Variants in SPEF2 observed in about 807,000 individuals in gnomAD.
SPEF2 encodes the protein sperm flagellar and cilia associated 2.
SPEF2 carries 187 observed loss-of-function variants against 224.6 expected under a neutral mutation model. The observed-to-expected ratio is 0.83, with a 90% CI of 0.74 to 0.94. The LOEUF is 0.94. Among genes scored for constraint, SPEF2 ranks in the 40% least tolerant of loss-of-function variants. The pLI is 0.00. For synonymous variants in SPEF2, 715 were observed against 707.3 expected (o/e 1.01, Z -0.17); for missense variants, 2,170 against 2,135.6 (o/e 1.02, Z -0.32).
chr5:35,683,298 G>T lies in SPEF2; in HGVS notation c.1525-7739G>T, dbSNP rs77177821. 9.0e-3 allele frequency among the ~76,000 whole-genome samples: 1,368 copies of T among 152,226 alleles called. 17 individuals carry two copies. Among genetic ancestry groups the T allele is most frequent in the African/African-American group, 0.032 (1,331 of 41,528 alleles). ...GGTTCCAGGAATTCAGAATTCAAGT[G>T]CTGGAAAGGTCAGTGTAGGTCAATT... On this transcript the variant is annotated intron_variant, in intron 10 of 36. Coordinates refer to ENST00000356031, the MANE Select transcript of SPEF2 (RefSeq NM_024867.4).
At chr5:35,694,193 T>G (rs1483681751) in intron 12 of SPEF2, 95 bp from the exon 13 acceptor site, 1 of 899,020 alleles carries the variant, frequency 1.1e-6, no homozygotes, top group Non-Finnish European at 1.7e-6. Context: ...GTATTGTATT[T>G]GTTCTCAAAC....
At chr5:35,786,876 G>T (rs557084769) in intron 30 of SPEF2, among the ~76,000 whole-genome samples, 15 of 151,858 alleles carry the variant, frequency 9.9e-5, no homozygotes, top group Non-Finnish European at 1.8e-4. Context: ...TAGTCAGAGG[G>T]GTCAAACCCT....
chr5:35,754,221 A>G (rs548252109), intron 24 of SPEF2, among the ~76,000 whole-genome samples: 1 of 152,340 alleles, frequency 6.6e-6, no homozygotes, highest in East Asian at 1.9e-4. Context: ...TAATCAATGC[A>G]ACCCGATTAA....
chr5:35,623,287 C>G (rs988171369), intron 1 of SPEF2, among the ~76,000 whole-genome samples: 1 of 152,176 alleles, frequency 6.6e-6, no homozygotes, highest in African/African-American at 2.4e-5. Flanking sequence ...GGTTCCAAGC[C>G]TTCAGCAGGG....
At chr5:35,668,422 A>T (rs1381647231) in intron 9 of SPEF2, among the ~76,000 whole-genome samples, 2 of 152,124 alleles carry the variant, frequency 1.3e-5, no homozygotes, top group East Asian at 1.9e-4. Context: ...ATGCTCTGTG[A>T]TTTCATTTAT....
At chr5:35,683,614 G>A (rs1363278625) in intron 10 of SPEF2, among the ~76,000 whole-genome samples, 2 of 152,186 alleles carry the variant, frequency 1.3e-5, no homozygotes, top group South Asian at 2.1e-4. Context: ...GACAGAGTGA[G>A]ACTTCGTCTC....
chr5:35,674,866 A>T (rs1201085798), intron 10 of SPEF2, among the ~76,000 whole-genome samples: 1 of 152,112 alleles, frequency 6.6e-6, no homozygotes, highest in African/African-American at 2.4e-5. Flanking sequence ...ACAATATGGA[A>T]ACTTACTAAT....
chr5:35,803,257 C>A (rs1757673735), intron 34 of SPEF2, among the ~76,000 whole-genome samples: 1 of 152,140 alleles, frequency 6.6e-6, no homozygotes, highest in African/African-American at 2.4e-5. Context: ...AAAAAGGAAG[C>A]CTGTGCTAGA....
intron 30 of SPEF2, among the ~76,000 whole-genome samples, chr5:35,784,817 G>A (rs1754874645): frequency 6.6e-6 from 1 of 152,076 alleles, no homozygotes; most frequent in African/African-American, 2.4e-5. Context: ...TTAGAGCCAA[G>A]TGTCATGGAG....
chr5:35,742,110 A>T lies in SPEF2; in HGVS notation c.3330+1843A>T, dbSNP rs111433163. Among the ~76,000 whole-genome samples, 595 of 152,318 alleles carry T rather than the reference A, an allele frequency of 3.9e-3. 11 individuals carry two copies. Among genetic ancestry groups the T allele is most frequent in the African/African-American group, 0.014 (571 of 41,570 alleles). ...TGTTTTGTAACATTCTTTTTAAGTC[A>T]ATAGAACATGTTTTCTTTTTCAATA... On this transcript the variant is annotated intron_variant, in intron 23 of 36. Coordinates refer to ENST00000356031, the MANE Select transcript of SPEF2 (RefSeq NM_024867.4).
chr5:35,750,848 T>A (rs1749293261), intron 23 of SPEF2, among the ~76,000 whole-genome samples: 1 of 151,182 alleles, frequency 6.6e-6, no homozygotes, highest in Non-Finnish European at 1.5e-5. Context: ...TTATTGGGTA[T>A]CTACCCAGAG....
chr5:35,772,904 C>T (rs1034496116), intron 27 of SPEF2, among the ~76,000 whole-genome samples: 5 of 152,086 alleles, frequency 3.3e-5, no homozygotes, highest in Non-Finnish European at 7.4e-5. Context: ...TTGAACCCTT[C>T]GAAGTCAGAC....
At chr5:35,706,897 C>A (rs567478893) in intron 18 of SPEF2, among the ~76,000 whole-genome samples, 2 of 152,138 alleles carry the variant, frequency 1.3e-5, no homozygotes, top group Non-Finnish European at 2.9e-5. Flanking sequence ...CTTACAGAGT[C>A]TTGGTTGGGA....
intron 1 of SPEF2, 128 bp downstream of exon 1, chr5:35,618,183 C>T: frequency 2.1e-6 from 2 of 975,102 alleles, no homozygotes; most frequent in Non-Finnish European, 1.6e-6. Context: ...ACCTGCGTAG[C>T]CGGCAGCATC....
At chr5:35,789,126 A>AACC in intron 30 of SPEF2, 1 of 699,298 alleles carries the variant, frequency 1.4e-6, no homozygotes, top group African/African-American at 1.8e-5. Context: ...TGGGAAAGAT[A>AACC]ACCACTATGT....
chr5:35,712,979 T>A, intron 20 of SPEF2, 93 bp downstream of exon 20: 1 of 1,084,304 alleles, frequency 9.2e-7, no homozygotes, highest in African/African-American at 1.6e-5. Flanking sequence ...TAGTATACAT[T>A]GACCACTTCT....
At chr5:35,716,755 A>C (rs185009160) in intron 20 of SPEF2, among the ~76,000 whole-genome samples, 1 of 152,170 alleles carries the variant, frequency 6.6e-6, no homozygotes, top group African/African-American at 2.4e-5. Context: ...TAATATTTCA[A>C]ATTAACTCCA....
chr5:35,794,554 G>A (rs541967182), intron 32 of SPEF2, among the ~76,000 whole-genome samples: 1 of 152,168 alleles, frequency 6.6e-6, no homozygotes, highest in Non-Finnish European at 1.5e-5. Flanking sequence ...AATTTGTTAA[G>A]GTGGTTTTGT....
At chr5:35,806,386 C>A (rs1193292484) in intron 34 of SPEF2, among the ~76,000 whole-genome samples, 2 of 152,188 alleles carry the variant, frequency 1.3e-5, no homozygotes, top group South Asian at 2.1e-4. Flanking sequence ...TGTTTAAAAT[C>A]TATATACATG....
Sources: allele counts gnomAD v4.1 joint callset (sites outside exome capture counted in the v4.1 genomes callset), GRCh38; gene constraint gnomAD v4.1.1; transcripts MANE v1.5; gene names NCBI Gene and HGNC (gene_info 2026-07-23, HGNC 2026-07-21).